Variants in MPHOSPH8 observed in about 807,000 individuals in gnomAD.
MPHOSPH8 encodes the protein M-phase phosphoprotein, mpp.
Under a neutral mutation model 87.3 loss-of-function variants are expected in MPHOSPH8, and 45 were observed. The observed-to-expected ratio is 0.52, with a 90% CI of 0.41 to 0.66. The LOEUF is 0.66. MPHOSPH8 is among the 30% of genes least tolerant of loss of function. The pLI is 0.00. For missense variants in MPHOSPH8, 883 were observed against 1,020.2 expected (o/e 0.87, Z 1.83); for synonymous variants, 366 against 376.9 (o/e 0.97, Z 0.33).
intron 1 of MPHOSPH8, among the ~76,000 whole-genome samples, chr13:19,640,602 C>T (rs1565932562): frequency 6.6e-6 from 1 of 151,686 alleles, no homozygotes; most frequent in Non-Finnish European, 1.5e-5. Context: ...AACTCCTGAG[C>T]TTAAGCGATC....
intron 5 of MPHOSPH8, among the ~76,000 whole-genome samples, chr13:19,658,108 C>G (rs533885768): frequency 7.9e-5 from 12 of 152,242 alleles, no homozygotes; most frequent in Non-Finnish European, 1.8e-4. Flanking sequence ...AGCCCAGAGG[C>G]TGTGCTGTTT....
intron 1 of MPHOSPH8, among the ~76,000 whole-genome samples, chr13:19,637,279 TAA>T (rs1874058018): frequency 6.6e-6 from 1 of 152,256 alleles, no homozygotes; most frequent in African/African-American, 2.4e-5. Context: ...ATTAGATTTA[TAA>T]CTATGTTAAT....
chr13:19,670,974 C>G (rs574497531), intron 12 of MPHOSPH8: 6 of 1,099,040 alleles, frequency 5.5e-6, no homozygotes, highest in Non-Finnish European at 7.5e-6. Context: ...TGCACGCCAC[C>G]ACATCCGGCT....
intron 11 of MPHOSPH8, 40 bp downstream of exon 11, chr13:19,668,571 G>T (rs750204302): frequency 2.2e-5 from 35 of 1,575,094 alleles, no homozygotes; most frequent in Admixed American, 5.5e-5. Context: ...TATGTGAAGT[G>T]TGACACTATA....
At position 19,672,498 on chromosome 13, in the gene MPHOSPH8, TAA is replaced by T. The variant is rs58492348; in HGVS notation, c.*641_*642del. The stretch of plus-strand genomic sequence containing the variant: ...ACTAGCCCTGGTGAACTTCTGTGCT[TAA>T]AAAAAAAAAAAAAAAAAGGAAAAAT... On this transcript the variant is annotated 3_prime_UTR_variant, in exon 14 of 14. Transcript: ENST00000361479. The T allele has an allele frequency of 2.7e-3, 344 of 128,052 alleles. No homozygotes were observed. Among genetic ancestry groups the T allele is most frequent in the African/African-American group, 6.6e-3 (233 of 35,358 alleles). The allele number at this position is 128,052 out of a possible 1,614,324, so 7.9% of individuals were successfully genotyped here.
At chr13:19,660,959 AAG>A (rs1229985412) in intron 7 of MPHOSPH8, 192 of 984,960 alleles carry the variant, frequency 1.9e-4, no homozygotes, top group Non-Finnish European at 2.3e-4. Context: ...ACAAAACAAA[AAG>A]AAGATACAAA....
At chr13:19,665,998 T>C (rs1334661704) in intron 9 of MPHOSPH8, among the ~76,000 whole-genome samples, 2 of 152,128 alleles carry the variant, frequency 1.3e-5, no homozygotes, top group Non-Finnish European at 2.9e-5. Flanking sequence ...CAAAGTTGTC[T>C]ACAGTGAAGG....
At chr13:19,661,945 C>CTTT (rs397761364) in intron 8 of MPHOSPH8, 107 bp downstream of exon 8, 125 of 1,037,328 alleles carry the variant, frequency 1.2e-4, no homozygotes, top group Middle Eastern at 6.9e-4. Context: ...GGTCACATCG[C>CTTT]TTTTTTTTTT....
At chr13:19,666,025 C>G (rs1327888451) in intron 9 of MPHOSPH8, among the ~76,000 whole-genome samples, 1 of 152,182 alleles carries the variant, frequency 6.6e-6, no homozygotes, top group Non-Finnish European at 1.5e-5. Flanking sequence ...TTACGTATCT[C>G]TGCGCCTCGC....
intron 9 of MPHOSPH8, among the ~76,000 whole-genome samples, chr13:19,664,984 C>A (rs1373266643): frequency 6.6e-6 from 1 of 152,004 alleles, no homozygotes; most frequent in Non-Finnish European, 1.5e-5. Context: ...AAGTGGTCCA[C>A]GGGCTGGCAG....
chr13:19,663,191 C>A, intron 9 of MPHOSPH8, 65 bp downstream of exon 9: 1 of 1,364,372 alleles, frequency 7.3e-7, no homozygotes, highest in Non-Finnish European at 1.0e-6. Flanking sequence ...TTGGCATCTG[C>A]CACTGCCAGG....
intron 1 of MPHOSPH8, among the ~76,000 whole-genome samples, chr13:19,637,915 CATGG>C (rs1278165021): frequency 6.6e-6 from 1 of 151,756 alleles, no homozygotes; most frequent in Non-Finnish European, 1.5e-5. Flanking sequence ...TCCTGGCTAA[CATGG>C]TGAAACCCCG....
At chr13:19,657,534 C>T (rs1046879234) in intron 5 of MPHOSPH8, among the ~76,000 whole-genome samples, 6 of 151,618 alleles carry the variant, frequency 4.0e-5, no homozygotes, top group African/African-American at 9.7e-5. Context: ...CGCCACTGCA[C>T]TCCAGCCTGG....
Position 19,646,515 on chromosome 13 carries a change from A to G in MPHOSPH8, c.442A>G (p.Thr148Ala), listed in dbSNP as rs550375794. The change falls in exon 3 of 14, where the codon ACT (threonine) becomes GCT (alanine). Residue 148 changes from threonine to alanine, a missense_variant. Thr to Ala is a moderately conservative substitution (Grantham distance 58). Coordinates refer to ENST00000361479, the MANE Select transcript of MPHOSPH8 (RefSeq NM_017520.4). ...SDQQSETKED[T>A]SPKKKKKKLR... ...TCAGCAAAGTGAGACAAAAGAAGATACTTCCCCAAAGAAGAAAAAGAAAAA... is the reference window on the plus strand; with the variant it reads ...TCAGCAAAGTGAGACAAAAGAAGATGCTTCCCCAAAGAAGAAAAAGAAAAA... 3.9e-5 allele frequency: 62 copies of G among 1,571,302 alleles called. 1 individual carries two copies. The South Asian group carries it at 7.2e-4, about 18-fold the overall frequency.
Position 19,633,675 on chromosome 13 carries a change from G to A in MPHOSPH8, c.-74G>A, listed in dbSNP as rs1005405363. On this transcript the variant is annotated 5_prime_UTR_variant, in exon 1 of 14. Coordinates refer to ENST00000361479, the MANE Select transcript of MPHOSPH8 (RefSeq NM_017520.4). ...TACGCCGCTGATGTGGAGTAGGGCC[G>A]AGCGCGGAACGCGAGGGGCTGCTGG... 20 of 1,504,074 alleles carry A rather than the reference G, an allele frequency of 1.3e-5. No homozygotes were observed. The highest frequency in any genetic ancestry group is 1.7e-5 in the Non-Finnish European group (19 of 1,105,986). The allele number at this position is 1,504,074 out of a possible 1,614,324, so 93.2% of individuals were successfully genotyped here.
At chr13:19,654,474 T>TA (rs1282697288) in intron 5 of MPHOSPH8, among the ~76,000 whole-genome samples, 3 of 151,370 alleles carry the variant, frequency 2.0e-5, no homozygotes, top group Non-Finnish European at 4.4e-5. Context: ...CTTATAGTAA[T>TA]AAAAAAAAGA....
intron 2 of MPHOSPH8, among the ~76,000 whole-genome samples, chr13:19,643,772 C>T (rs902956734): frequency 6.6e-6 from 1 of 152,126 alleles, no homozygotes; most frequent in African/African-American, 2.4e-5. Flanking sequence ...TGTCCTGGCG[C>T]TCCCACTCAG....
chr13:19,658,892 G>A (rs114305770), intron 5 of MPHOSPH8, 103 bp from the exon 6 acceptor site: 5 of 1,380,874 alleles, frequency 3.6e-6, no homozygotes, highest in Non-Finnish European at 5.0e-6. Context: ...TGTTAAAAGT[G>A]TACATAAAGC....
At chr13:19,668,333 T>A in intron 10 of MPHOSPH8, 44 bp from the exon 11 acceptor site, 3 of 1,574,522 alleles carry the variant, frequency 1.9e-6, no homozygotes. Context: ...GGCTTGTGGT[T>A]CTTTTCTACA....
Sources: gnomAD v4.1 joint callset for allele counts (sites outside exome capture counted in the v4.1 genomes callset) on GRCh38, gnomAD v4.1.1 for gene constraint, MANE v1.5 for transcripts, NCBI Gene and HGNC (gene_info 2026-07-23, HGNC 2026-07-21) for gene names.